The following FHIT variants were observed in gnomAD, a reference collection of about 807,000 sequenced individuals.
FHIT encodes fragile histidine triad diadenosine triphosphatase, also known as bis(5'-adenosyl)-triphosphatase.
A neutral mutation model predicts 17.9 loss-of-function variants in FHIT; 19 were observed. The observed-to-expected ratio is 1.06, with a 90% CI of 0.74 to 1.56. FHIT has a LOEUF of 1.56. Ranked by LOEUF, FHIT falls within the 40% of genes most tolerant of loss-of-function variation. FHIT has a pLI of 0.00. For synonymous variants in FHIT, 81 were observed against 69.7 expected (o/e 1.16, Z -0.81); for missense variants, 248 against 189.2 (o/e 1.31, Z -1.82).
chr3:59,904,094 C>T (rs958990215), intron 8 of FHIT, among the ~76,000 whole-genome samples: 3 of 149,708 alleles, frequency 2.0e-5, no homozygotes, highest in African/African-American at 7.4e-5. Context: ...ACCCCCCCGC[C>T]CCCGGACAGC....
chr3:60,081,413 T>G (rs1209031278), intron 5 of FHIT, among the ~76,000 whole-genome samples: 1 of 152,126 alleles, frequency 6.6e-6, no homozygotes, highest in Non-Finnish European at 1.5e-5. Flanking sequence ...CACTTACTTC[T>G]CTGTATCACA....
intron 4 of FHIT, among the ~76,000 whole-genome samples, chr3:60,744,271 A>AAAAAAAAAAAAAAAAAAAAAAAAC (rs2042309303): frequency 3.8e-5 from 2 of 52,106 alleles, no homozygotes; most frequent in Admixed American, 1.7e-4. Context: ...AACAAAACAA[A>AAAAAAAAAAAAAAAAAAAAAAAAC]AAAAAAAAAA....
At chr3:60,369,254 G>A (rs891125010) in intron 5 of FHIT, among the ~76,000 whole-genome samples, 2 of 152,108 alleles carry the variant, frequency 1.3e-5, no homozygotes, top group African/African-American at 4.8e-5. Context: ...TTAGAGGCAT[G>A]AGCCACCACA....
intron 4 of FHIT, among the ~76,000 whole-genome samples, chr3:60,674,738 C>T (rs149873210): frequency 7.9e-5 from 12 of 152,250 alleles, no homozygotes; most frequent in African/African-American, 2.6e-4. Flanking sequence ...AGAATTCCAA[C>T]GTCTCCCATC....
chr3:60,578,440 AACACAC>A lies in FHIT; in HGVS notation c.-17-41467_-17-41462del, dbSNP rs71748891. On this transcript the variant is annotated intron_variant, in intron 4 of 9. Coordinates refer to ENST00000492590, the MANE Select transcript of FHIT (RefSeq NM_002012.4). ...CGAAAGAGCATGACTCCATCTACAA[AACACAC>A]ACACACACACACACACACACACACA... 1.5e-3 allele frequency among the ~76,000 whole-genome samples: 211 copies of A among 144,246 alleles called. 1 individual carries two copies. Among genetic ancestry groups the A allele is most frequent in the South Asian group, 0.012 (53 of 4,328 alleles). 94.6% of individuals were successfully genotyped at this position (144,246 alleles called of 152,430 possible).
At chr3:61,036,033 A>C (rs1326190778) in intron 3 of FHIT, among the ~76,000 whole-genome samples, 2 of 152,236 alleles carry the variant, frequency 1.3e-5, no homozygotes, top group Non-Finnish European at 2.9e-5. Flanking sequence ...GCTATGAAGA[A>C]CTACCTGAGA....
chr3:59,779,629 T>C (rs143932800), intron 8 of FHIT, among the ~76,000 whole-genome samples: 246 of 152,288 alleles, frequency 1.6e-3, no homozygotes, highest in Middle Eastern at 3.4e-3. Flanking sequence ...AAATATGTAG[T>C]AATCAGTAAT....
chr3:60,323,272 T>A (rs180892087), intron 5 of FHIT, among the ~76,000 whole-genome samples: 1 of 152,106 alleles, frequency 6.6e-6, no homozygotes, highest in African/African-American at 2.4e-5. Flanking sequence ...CTACATAACG[T>A]CAAGCGTCTA....
At chr3:61,040,971 G>A (rs2033479964) in intron 3 of FHIT, among the ~76,000 whole-genome samples, 3 of 152,130 alleles carry the variant, frequency 2.0e-5, no homozygotes, top group Admixed American at 6.5e-5. Context: ...CATTTTCCCT[G>A]CCTCCCCTTC....
intron 5 of FHIT, among the ~76,000 whole-genome samples, chr3:60,438,951 A>G (rs2030542447): frequency 6.6e-6 from 1 of 152,176 alleles, no homozygotes; most frequent in South Asian, 2.1e-4. Context: ...TACATGATTT[A>G]AGAATATAAG....
intron 5 of FHIT, among the ~76,000 whole-genome samples, chr3:60,457,394 C>T (rs1455757709): frequency 6.6e-6 from 1 of 152,088 alleles, no homozygotes; most frequent in Non-Finnish European, 1.5e-5. Flanking sequence ...AAAGCTGAAA[C>T]TGGATCCCTT....
chr3:60,554,736 C>T (rs560856852), intron 4 of FHIT, among the ~76,000 whole-genome samples: 91 of 152,254 alleles, frequency 6.0e-4, no homozygotes, highest in African/African-American at 2.2e-3. Flanking sequence ...ATATTTTGAA[C>T]ATTTACATTG....
intron 5 of FHIT, among the ~76,000 whole-genome samples, chr3:60,227,286 T>C (rs1230059346): frequency 2.6e-5 from 4 of 152,182 alleles, no homozygotes; most frequent in Non-Finnish European, 5.9e-5. Context: ...CATACATTAT[T>C]AGATTTTATG....
intron 5 of FHIT, among the ~76,000 whole-genome samples, chr3:60,486,863 T>C (rs1234599863): frequency 1.3e-5 from 2 of 151,660 alleles, no homozygotes. Context: ...CGTGCTTCAG[T>C]TAAAACCACT....
chr3:60,041,037 T>C (rs981751202), intron 5 of FHIT, among the ~76,000 whole-genome samples: 1 of 152,120 alleles, frequency 6.6e-6, no homozygotes, highest in African/African-American at 2.4e-5. Context: ...ATCCAAAACA[T>C]CTCTCTGAAG....
In FHIT at chr3:59,874,270, T is replaced by C. The variant is rs17061294; in HGVS notation, c.348+48076A>G. 3.8e-3 allele frequency among the ~76,000 whole-genome samples: 578 copies of C among 152,316 alleles called. 1 individual carries two copies. The highest frequency in any genetic ancestry group is 0.013 in the African/African-American group (525 of 41,580). ...CTGGCCAAAAAACAATTTCGTGCCA[T>C]GTGTTAATGCAAAGGGCTCATGCTG... On this transcript the variant is annotated intron_variant, in intron 8 of 9. Coordinates refer to ENST00000492590, the MANE Select transcript of FHIT (RefSeq NM_002012.4).
intron 5 of FHIT, among the ~76,000 whole-genome samples, chr3:60,347,888 A>G (rs899449760): frequency 6.6e-6 from 1 of 151,994 alleles, no homozygotes; most frequent in Admixed American, 6.5e-5. Flanking sequence ...CCTCCCAAGT[A>G]GCTGGGATTA....
intron 2 of FHIT, among the ~76,000 whole-genome samples, chr3:61,096,377 T>G (rs1559978098): frequency 6.6e-6 from 1 of 152,102 alleles, no homozygotes; most frequent in East Asian, 1.9e-4. Flanking sequence ...AGGTCAGTGG[T>G]CCTAAGGACC....
intron 5 of FHIT, among the ~76,000 whole-genome samples, chr3:60,392,692 AG>A (rs1312639019): frequency 6.6e-6 from 1 of 152,196 alleles, no homozygotes; most frequent in African/African-American, 2.4e-5. Context: ...AGCATTCCTC[AG>A]AAGAATTATA....
Sources: gnomAD v4.1 joint callset for allele counts (sites outside exome capture counted in the v4.1 genomes callset) on GRCh38, gnomAD v4.1.1 for gene constraint, MANE v1.5 for transcripts, NCBI Gene and HGNC (gene_info 2026-07-23, HGNC 2026-07-21) for gene names.